CATSPERT: variants seen among roughly 807,000 people sequenced by gnomAD.
CATSPERT encodes the protein catsper channel auxiliary subunit tau.
chr2:201,536,288 A>G, the CATSPERT span: 1 of 1,606,246 alleles, frequency 6.2e-7, no homozygotes, highest in Non-Finnish European at 8.5e-7. Flanking sequence ...AAGTTGGTAT[A>G]GTCAGGCCTT....
the CATSPERT span, among the ~76,000 whole-genome samples, chr2:201,488,751 A>G: frequency 6.6e-6 from 1 of 152,232 alleles, no homozygotes; most frequent in Non-Finnish European, 1.5e-5. Context: ...AACATTGGGC[A>G]GGACTAATAA....
At chr2:201,613,364 A>G in the CATSPERT span, among the ~76,000 whole-genome samples, 1 of 152,206 alleles carries the variant, frequency 6.6e-6, no homozygotes. Flanking sequence ...TTCCAGAAGA[A>G]GGATCAGACA....
chr2:201,565,004 T>C, the CATSPERT span, among the ~76,000 whole-genome samples: 1 of 135,480 alleles, frequency 7.4e-6, no homozygotes, highest in African/African-American at 2.6e-5. Context: ...TCAATTGATT[T>C]AATGGCAGAA....
At chr2:201,505,795 C>T in the CATSPERT span, among the ~76,000 whole-genome samples, 8 of 151,994 alleles carry the variant, frequency 5.3e-5, no homozygotes, top group African/African-American at 7.3e-5. Context: ...GTAATAGTAA[C>T]GTACTAATGT....
At chr2:201,487,540 T>C in the CATSPERT span, 1 of 1,379,300 alleles carries the variant, frequency 7.3e-7, no homozygotes, top group Non-Finnish European at 9.9e-7. Context: ...AGAAGTGATA[T>C]TCTGACTGCT....
chr2:201,534,201 A>G, the CATSPERT span: 1 of 166,414 alleles, frequency 6.0e-6, no homozygotes, highest in African/African-American at 2.4e-5. Flanking sequence ...GGTGTCAGAC[A>G]TGTAAGTGAG....
chr2:201,537,054 A>G, the CATSPERT span, among the ~76,000 whole-genome samples: 7 of 152,044 alleles, frequency 4.6e-5, no homozygotes, highest in South Asian at 1.4e-3. Context: ...GTTTATTTCT[A>G]TTTTAAACTA....
chr2:201,532,499 G>A, the CATSPERT span, among the ~76,000 whole-genome samples: 2 of 152,126 alleles, frequency 1.3e-5, no homozygotes, highest in East Asian at 3.8e-4. Context: ...TGCTCTTGGA[G>A]TTCAAAGAAG....
chr2:201,534,613 A>G, the CATSPERT span: 2 of 985,360 alleles, frequency 2.0e-6, no homozygotes, highest in Non-Finnish European at 2.4e-6. Flanking sequence ...ATGACTAATG[A>G]GCAAAAAAAA....
chr2:201,567,952 G>A, the CATSPERT span, among the ~76,000 whole-genome samples: 2 of 152,140 alleles, frequency 1.3e-5, no homozygotes, highest in Non-Finnish European at 2.9e-5. Context: ...ACTCAAAACT[G>A]GCAGCTTTTT....
chr2:201,544,894 G>C, the CATSPERT span, among the ~76,000 whole-genome samples: 1 of 151,628 alleles, frequency 6.6e-6, no homozygotes, highest in Admixed American at 6.6e-5. Flanking sequence ...CTACTTGGGA[G>C]GCTAAGGTGG....
At chr2:201,513,380 C>T in the CATSPERT span, among the ~76,000 whole-genome samples, 1 of 152,086 alleles carries the variant, frequency 6.6e-6, no homozygotes, top group East Asian at 1.9e-4. Context: ...CACAATGAGA[C>T]ACCATCTTAC....
the CATSPERT span, among the ~76,000 whole-genome samples, chr2:201,531,692 C>T: frequency 6.6e-6 from 1 of 152,094 alleles, no homozygotes; most frequent in Non-Finnish European, 1.5e-5. Flanking sequence ...GGGGAGAGCA[C>T]TCCCCTGACA....
the CATSPERT span, among the ~76,000 whole-genome samples, chr2:201,530,410 C>T: frequency 6.6e-6 from 1 of 152,156 alleles, no homozygotes; most frequent in Non-Finnish European, 1.5e-5. Flanking sequence ...CAGTGGAATA[C>T]TACGCAGCCT....
the CATSPERT span, chr2:201,545,629 C>CA: frequency 0.033 from 5,105 of 155,926 alleles, 268 homozygotes; most frequent in Non-Finnish European, 0.039. Context: ...TTCCTAGAAG[C>CA]AAAAAAAAAA....
the CATSPERT span, among the ~76,000 whole-genome samples, chr2:201,593,665 T>C: frequency 6.6e-6 from 1 of 150,732 alleles, no homozygotes; most frequent in South Asian, 2.1e-4. Context: ...GGTGCTCTTG[T>C]ATTGGGTGCA....
the CATSPERT span, among the ~76,000 whole-genome samples, chr2:201,511,368 G>A: frequency 2.0e-5 from 3 of 152,102 alleles, no homozygotes; most frequent in Admixed American, 6.6e-5. Flanking sequence ...CTTTGAAAGA[G>A]GTGATAGGTA....
the CATSPERT span, among the ~76,000 whole-genome samples, chr2:201,580,886 C>G: frequency 0.014 from 2,071 of 152,222 alleles, 20 homozygotes; most frequent in Non-Finnish European, 0.022. Context: ...TGGCTAACCT[C>G]TAAAAGACAC....
At chr2:201,519,419 A>G in the CATSPERT span, among the ~76,000 whole-genome samples, 2 of 152,334 alleles carry the variant, frequency 1.3e-5, no homozygotes, top group South Asian at 4.1e-4. Context: ...ATTACACCAG[A>G]TATGTGAAAT....
Sources: gnomAD v4.1 joint callset for allele counts (sites outside exome capture counted in the v4.1 genomes callset) on GRCh38, gnomAD v4.1.1 for gene constraint, MANE v1.5 for transcripts, NCBI Gene and HGNC (gene_info 2026-07-23, HGNC 2026-07-21) for gene names.